Variants in AMBRA1 observed in about 807,000 individuals in gnomAD.
AMBRA1 encodes activating molecule in BECN1-regulated autophagy protein 1.
Under a neutral mutation model 125.4 loss-of-function variants are expected in AMBRA1, and 47 were observed. The observed-to-expected ratio is 0.37, with a 90% CI of 0.30 to 0.48. The LOEUF is 0.48. AMBRA1 is among the 20% of genes least tolerant of loss of function. The probability of loss-of-function intolerance (pLI) is 0.99; values close to 1 mark genes in which losing one functional copy is unlikely to be tolerated. For missense variants in AMBRA1, 1,331 were observed against 1,693.4 expected, an observed-to-expected ratio of 0.79 and a Z score of 3.76; for synonymous variants, 626 against 655.5, an observed-to-expected ratio of 0.95 and a Z score of 0.69.
chr11:46,553,699 C>T (rs1012689728), intron 1 of AMBRA1, among the ~76,000 whole-genome samples: 3 of 151,672 alleles, frequency 2.0e-5, no homozygotes, highest in African/African-American at 4.8e-5. Flanking sequence ...GAGCTGAGAC[C>T]GTGCCATTGT....
In AMBRA1 at chr11:46,541,215, ACT is replaced by A. The variant is rs1952720797; in HGVS notation, c.2072+728_2072+729del. On this transcript the variant is annotated intron_variant, in intron 7 of 17. Transcript: ENST00000683756. ...ATATGGTGGGCGATCAACTACACCT[ACT>A]CTGTTTCTCCCATGAAAGAGTTGGC... is the stretch of plus-strand genomic sequence containing the variant. 4.6e-5 allele frequency among the ~76,000 whole-genome samples: 7 copies of A among 152,120 alleles called. No individual in the cohort carries two copies. In the South Asian group the frequency reaches 1.5e-3, roughly 32 times the overall value.
chr11:46,508,143 T>C (rs766648602), intron 9 of AMBRA1, 48 bp downstream of exon 9: 3 of 1,603,670 alleles, frequency 1.9e-6, no homozygotes, highest in Admixed American at 3.3e-5. Context: ...TTGGAAGCAC[T>C]CCAAGCTTGA....
intron 15 of AMBRA1, among the ~76,000 whole-genome samples, chr11:46,415,983 G>A (rs1946526444): frequency 1.3e-5 from 2 of 152,216 alleles, no homozygotes; most frequent in South Asian, 4.1e-4. Context: ...CCTTTATGAG[G>A]CCACAACAAA....
chr11:46,411,950 T>C (rs2136628882), intron 15 of AMBRA1, among the ~76,000 whole-genome samples: 1 of 152,266 alleles, frequency 6.6e-6, no homozygotes, highest in South Asian at 2.1e-4. Context: ...AGAGGGTAAC[T>C]ATGATTAGGC....
chr11:46,571,874 G>C (rs1414194800), intron 1 of AMBRA1, among the ~76,000 whole-genome samples: 1 of 151,810 alleles, frequency 6.6e-6, no homozygotes, highest in South Asian at 2.1e-4. Flanking sequence ...GTTTTTAGTA[G>C]AGACAGGGTT....
At chr11:46,517,551 C>T (rs1468411336) in intron 7 of AMBRA1, among the ~76,000 whole-genome samples, 1 of 116,668 alleles carries the variant, frequency 8.6e-6, no homozygotes, top group Non-Finnish European at 1.6e-5. Flanking sequence ...CAATACTAAA[C>T]AGGCCGGGTG....
intron 1 of AMBRA1, among the ~76,000 whole-genome samples, chr11:46,575,183 C>T (rs2043910972): frequency 6.6e-6 from 1 of 152,128 alleles, no homozygotes; most frequent in Non-Finnish European, 1.5e-5. Context: ...ACCACTCAGG[C>T]ATGATGGCTC....
chr11:46,580,473 A>G (rs960489936), intron 1 of AMBRA1, among the ~76,000 whole-genome samples: 2 of 151,912 alleles, frequency 1.3e-5, no homozygotes, highest in Admixed American at 6.6e-5. Flanking sequence ...CCACTCCCCA[A>G]CTCTAATCCA....
chr11:46,494,340 C>G, intron 9 of AMBRA1, 136 bp from the exon 10 acceptor site: 1 of 647,776 alleles, frequency 1.5e-6, no homozygotes, highest in Non-Finnish European at 2.7e-6. Context: ...TCTGGCTGCT[C>G]ACTAATTAGG....
At chr11:46,568,803 C>CTTTTTTTTTTTTTTTTTTTTT (rs774631588) in intron 1 of AMBRA1, among the ~76,000 whole-genome samples, 4 of 96,478 alleles carry the variant, frequency 4.1e-5, no homozygotes, top group African/African-American at 1.8e-4. Context: ...TCAACCCTAC[C>CTTTTTTTTTTTTTTTTTTTTT]TTTTTTTTTT....
At position 46,448,640 on chromosome 11, in the gene AMBRA1, T is replaced by C. The variant is rs562328621; in HGVS notation, c.2522-5042A>G. Among the ~76,000 whole-genome samples the C allele has an allele frequency of 9.9e-5, 15 of 151,988 alleles. No homozygotes were observed. In the South Asian group the frequency reaches 2.1e-3, roughly 21 times the overall value. ...GAAACTGAAAACAGGAAATCACCTA[T>C]AGAGAAAAATCAATAAAACCAAAAA... On this transcript the variant is annotated intron_variant, in intron 11 of 17. Coordinates refer to ENST00000683756, the MANE Select transcript of AMBRA1 (RefSeq NM_001387011.1).
At chr11:46,464,382 C>T (rs1288922645) in intron 11 of AMBRA1, among the ~76,000 whole-genome samples, 1 of 152,132 alleles carries the variant, frequency 6.6e-6, no homozygotes, top group Non-Finnish European at 1.5e-5. Context: ...GCAGTTGCTG[C>T]ATTTCCCTGG....
intron 1 of AMBRA1, among the ~76,000 whole-genome samples, chr11:46,553,518 G>A (rs1288157146): frequency 2.0e-5 from 3 of 151,922 alleles, no homozygotes; most frequent in Admixed American, 6.6e-5. Flanking sequence ...AGGCCAAGGC[G>A]GGCAGATCAC....
At chr11:46,413,995 TC>T (rs1226112379) in intron 15 of AMBRA1, among the ~76,000 whole-genome samples, 2 of 152,114 alleles carry the variant, frequency 1.3e-5, no homozygotes, top group Non-Finnish European at 2.9e-5. Flanking sequence ...CCAGTGGGCT[TC>T]CACCTCACAC....
At position 46,433,455 on chromosome 11, in the gene AMBRA1, C is replaced by A; in HGVS notation, c.2976+19G>T. The A allele has an allele frequency of 6.2e-7, 1 of 1,612,212 alleles. No homozygotes were observed. Among genetic ancestry groups the A allele is most frequent in the Non-Finnish European group, 8.5e-7 (1 of 1,178,874 alleles). ...TAGGGGAGCTGCCATACAGTGAAGG[C>A]ACAAGCAATGGCACTCACCCTCATG... On this transcript the variant is annotated intron_variant, in intron 14 of 17. Transcript: ENST00000683756.
chr11:46,475,090 T>C (rs936951008), intron 11 of AMBRA1, among the ~76,000 whole-genome samples: 10 of 152,088 alleles, frequency 6.6e-5, no homozygotes, highest in African/African-American at 1.2e-4. Flanking sequence ...GTCTTATCAA[T>C]AGAAAAAAAA....
intron 11 of AMBRA1, among the ~76,000 whole-genome samples, chr11:46,467,194 G>C (rs1949365518): frequency 6.6e-6 from 1 of 152,062 alleles, no homozygotes. Context: ...TGGGATTACA[G>C]GTGTGAGCCA....
At chr11:46,551,096 C>CAAAA (rs57293525) in intron 1 of AMBRA1, among the ~76,000 whole-genome samples, 1 of 49,332 alleles carries the variant, frequency 2.0e-5, no homozygotes, top group African/African-American at 6.3e-5. Flanking sequence ...GACTCCGCCT[C>CAAAA]AAAAAAAAAA....
intron 12 of AMBRA1, 93 bp downstream of exon 12, chr11:46,443,395 T>C: frequency 1.0e-6 from 1 of 954,446 alleles, no homozygotes; most frequent in Non-Finnish European, 1.7e-6. Flanking sequence ...CTCAATAGGA[T>C]GATGAAAAAC....
Sources: gnomAD v4.1 joint callset for allele counts (sites outside exome capture counted in the v4.1 genomes callset) on GRCh38, gnomAD v4.1.1 for gene constraint, MANE v1.5 for transcripts, NCBI Gene and HGNC (gene_info 2026-07-23, HGNC 2026-07-21) for gene names.